The following FBXO42 variants were observed in gnomAD, a reference collection of about 807,000 sequenced individuals.
FBXO42 encodes the protein F-box protein 42, also known as F-box only protein 42.
FBXO42 carries 12 observed loss-of-function variants against 71.7 expected under a neutral mutation model. The observed-to-expected ratio is 0.17, with a 90% CI of 0.11 to 0.27. The LOEUF (loss-of-function observed/expected upper bound fraction) is 0.27, where lower values mean the gene tolerates loss of function less well. FBXO42 is among the 10% of genes least tolerant of loss of function. The pLI, the probability that FBXO42 is intolerant of heterozygous loss-of-function variation, is 1.00. For synonymous variants in FBXO42, 325 were observed against 327.5 expected (o/e 0.99, Z 0.08); for missense variants, 707 against 911.9 (o/e 0.78, Z 2.89).
At chr1:16,294,169 T>C (rs1243744408) in intron 4 of FBXO42, 1 of 152,488 alleles carries the variant, frequency 6.6e-6, no homozygotes, top group Non-Finnish European at 1.5e-5. Flanking sequence ...CCTCCTCAAA[T>C]TGCCCTGCCT....
intron 4 of FBXO42, among the ~76,000 whole-genome samples, chr1:16,276,550 G>C (rs1234672285): frequency 3.3e-5 from 5 of 152,162 alleles, no homozygotes; most frequent in African/African-American, 1.2e-4. Context: ...CTGGGAAGCA[G>C]AAGTTAGAAA....
At chr1:16,314,927 T>C (rs2082348744) in intron 2 of FBXO42, among the ~76,000 whole-genome samples, 1 of 151,540 alleles carries the variant, frequency 6.6e-6, no homozygotes, top group East Asian at 1.9e-4. Flanking sequence ...CCAGATCAAC[T>C]CTAAGAATAT....
At chr1:16,331,391 G>A (rs2082498996) in intron 1 of FBXO42, among the ~76,000 whole-genome samples, 1 of 151,122 alleles carries the variant, frequency 6.6e-6, no homozygotes, top group South Asian at 2.1e-4. Flanking sequence ...CTCCAGCCTG[G>A]GCGACAGAGC....
chr1:16,340,385 C>G (rs2082591004), intron 1 of FBXO42, among the ~76,000 whole-genome samples: 1 of 151,818 alleles, frequency 6.6e-6, no homozygotes, highest in African/African-American at 2.4e-5. Flanking sequence ...ATAGTGCCAT[C>G]TCGGCTCACT....
At chr1:16,291,207 G>A (rs1409282557) in intron 4 of FBXO42, among the ~76,000 whole-genome samples, 3 of 152,108 alleles carry the variant, frequency 2.0e-5, no homozygotes, top group Admixed American at 1.3e-4. Context: ...TAAAATGAGT[G>A]AGTCAGGTAC....
intron 8 of FBXO42, 60 bp downstream of exon 8, chr1:16,253,036 G>A (rs1353139284): frequency 1.4e-6 from 2 of 1,450,104 alleles, no homozygotes; most frequent in Non-Finnish European, 1.9e-6. Flanking sequence ...GAAGACAGGG[G>A]AAACAGGTTT....
intron 1 of FBXO42, among the ~76,000 whole-genome samples, chr1:16,350,823 G>A (rs2082697330): frequency 6.9e-6 from 1 of 144,404 alleles, no homozygotes; most frequent in African/African-American, 2.6e-5. Flanking sequence ...CTAAACAGTT[G>A]TCATTTTAAC....
chr1:16,311,190 A>G (rs12184261), intron 2 of FBXO42, among the ~76,000 whole-genome samples: 37,785 of 145,804 alleles, frequency 0.26, 5,786 homozygotes, highest in Non-Finnish European at 0.36. Flanking sequence ...AAAAAAAAAA[A>G]GGGGGTCAAA....
At chr1:16,266,707 T>C (rs1244219432) in intron 4 of FBXO42, among the ~76,000 whole-genome samples, 2 of 152,162 alleles carry the variant, frequency 1.3e-5, no homozygotes, top group African/African-American at 4.8e-5. Flanking sequence ...AGCTGGGTCT[T>C]GGAAAGCTCT....
chr1:16,337,141 C>T (rs1209260662), intron 1 of FBXO42, among the ~76,000 whole-genome samples: 1 of 152,158 alleles, frequency 6.6e-6, no homozygotes, highest in East Asian at 1.9e-4. Flanking sequence ...GAGGAAATCT[C>T]ATTCAATATC....
intron 2 of FBXO42, among the ~76,000 whole-genome samples, chr1:16,306,303 C>T (rs2082250549): frequency 1.3e-5 from 2 of 152,146 alleles, no homozygotes; most frequent in Non-Finnish European, 2.9e-5. Flanking sequence ...AGGCATGAGC[C>T]ACCGCGCCCA....
intron 1 of FBXO42, among the ~76,000 whole-genome samples, chr1:16,336,724 C>G (rs1435348949): frequency 6.6e-6 from 1 of 151,150 alleles, no homozygotes; most frequent in Non-Finnish European, 1.5e-5. Context: ...TGGCTCACGC[C>G]TATAATCCCA....
At chr1:16,290,602 G>A (rs970866763) in intron 4 of FBXO42, among the ~76,000 whole-genome samples, 7 of 151,948 alleles carry the variant, frequency 4.6e-5, no homozygotes, top group Non-Finnish European at 1.0e-4. Flanking sequence ...TGAGGCAGGA[G>A]AATTGCTCCA....
At chr1:16,262,741 C>G (rs1387139721) in intron 4 of FBXO42, among the ~76,000 whole-genome samples, 2 of 152,104 alleles carry the variant, frequency 1.3e-5, no homozygotes, top group Non-Finnish European at 2.9e-5. Context: ...TCCGGTTGCC[C>G]AGGCTAGAGT....
In FBXO42 at chr1:16,305,815, G is replaced by A; in HGVS notation, c.355C>T (p.Arg119Cys). ...AGTAAATACTTACTGTGCGAGAAGC[G>A]CTGAGTGATTGGGGTTCCAGGATAA... Reference protein sequence around the residue: ...YPYPGTPITQRFSHSACYYDA... With the variant: ...YPYPGTPITQCFSHSACYYDA... The change falls in exon 3 of 10, where the codon CGC becomes TGC. Residue 119 changes from arginine (R) to cysteine (C), a missense_variant. This residue lies in a region of FBXO42 where 188 missense variants were observed against 230.5 expected (regional missense o/e 0.82). Coordinates refer to ENST00000375592, the MANE Select transcript of FBXO42 (RefSeq NM_018994.3). 6.2e-7 allele frequency: 1 copy of A among 1,613,520 alleles called. No individual in the cohort carries two copies. The highest frequency in any genetic ancestry group is 8.5e-7 in the Non-Finnish European group (1 of 1,179,478).
At chr1:16,289,171 G>T (rs1438609849) in intron 4 of FBXO42, among the ~76,000 whole-genome samples, 1 of 151,836 alleles carries the variant, frequency 6.6e-6, no homozygotes, top group Non-Finnish European at 1.5e-5. Flanking sequence ...AAGGCAGGAG[G>T]ATCATTTGAG....
At chr1:16,334,218 G>A (rs1041093854) in intron 1 of FBXO42, among the ~76,000 whole-genome samples, 1 of 152,080 alleles carries the variant, frequency 6.6e-6, no homozygotes, top group Admixed American at 6.6e-5. Context: ...CAGATCATGA[G>A]GTCAGGAGAT....
At chr1:16,320,734 G>C (rs1252820063) in intron 1 of FBXO42, among the ~76,000 whole-genome samples, 23 of 150,848 alleles carry the variant, frequency 1.5e-4, no homozygotes, top group Non-Finnish European at 3.4e-4. Flanking sequence ...TCAAATTTTT[G>C]TATTTTTGGT....
At chr1:16,339,503 G>C (rs1407993049) in intron 1 of FBXO42, among the ~76,000 whole-genome samples, 1 of 151,916 alleles carries the variant, frequency 6.6e-6, no homozygotes, top group Non-Finnish European at 1.5e-5. Flanking sequence ...AGTAGAGACA[G>C]AGTTTCACCA....
Sources: gnomAD v4.1 joint callset for allele counts (sites outside exome capture counted in the v4.1 genomes callset) on GRCh38, gnomAD v4.1.1 for gene constraint, gnomAD v4.1.1 regional missense constraint, MANE v1.5 for transcripts, NCBI Gene and HGNC (gene_info 2026-07-23, HGNC 2026-07-21) for gene names.